Variants in COL4A2 observed in about 807,000 individuals in gnomAD.
COL4A2 encodes the protein collagen alpha-2(IV) chain.
Under a neutral mutation model 200.2 loss-of-function variants are expected in COL4A2, and 99 were observed. The ratio of observed to expected loss-of-function variants is 0.49; its 90% CI spans 0.42 to 0.58. The LOEUF is 0.58. Among genes scored for constraint, COL4A2 ranks in the 20% least tolerant of loss-of-function variants. The probability of loss-of-function intolerance (pLI) is 0.00; values close to 1 mark genes in which losing one functional copy is unlikely to be tolerated. For synonymous variants in COL4A2, 897 were observed against 900.6 expected (o/e 1.00, Z 0.07); for missense variants, 1,950 against 2,314.1 (o/e 0.84, Z 3.23).
rs191598969 is a variant in COL4A2, at chr13:110,410,721, A to C, written c.181-14013A>C. Among the ~76,000 whole-genome samples, 443 of 152,228 alleles carry C rather than the reference A, an allele frequency of 2.9e-3. 13 individuals carry two copies. The highest frequency in any genetic ancestry group is 0.028 in the Admixed American group (435 of 15,290). On this transcript the variant is annotated intron_variant, in intron 4 of 47. Transcript: ENST00000360467. ...ATCAAAACAGTGACATCTTTCTTCC[A>C]TCTGGTGGAAAGATCATCAGAACCC...
At chr13:110,461,425 G>T (rs997964790) in intron 22 of COL4A2, among the ~76,000 whole-genome samples, 101 of 152,380 alleles carry the variant, frequency 6.6e-4, no homozygotes, top group Non-Finnish European at 2.4e-4. Context: ...CTGCACCATT[G>T]GGCAGAGCCC....
chr13:110,393,998 C>G (rs779819059), intron 4 of COL4A2, among the ~76,000 whole-genome samples: 116 of 152,138 alleles, frequency 7.6e-4, no homozygotes, highest in Non-Finnish European at 1.5e-3. Flanking sequence ...GGCCATACCC[C>G]CTGCCACTAT....
intron 4 of COL4A2, among the ~76,000 whole-genome samples, chr13:110,404,862 T>A (rs1486298385): frequency 6.6e-6 from 1 of 152,174 alleles, no homozygotes; most frequent in Non-Finnish European, 1.5e-5. Context: ...CTGGGCACGG[T>A]GGCTCATGCC....
chr13:110,383,605 T>C (rs966653249), intron 4 of COL4A2, among the ~76,000 whole-genome samples: 1 of 132,010 alleles, frequency 7.6e-6, no homozygotes, highest in African/African-American at 2.9e-5. Flanking sequence ...TCAGCCCTTT[T>C]CTTTTTTTTT....
chr13:110,510,984 T>A (rs1222320386), intron 47 of COL4A2, among the ~76,000 whole-genome samples: 1 of 152,210 alleles, frequency 6.6e-6, no homozygotes, highest in East Asian at 1.9e-4. Context: ...TGGGTTTTTT[T>A]TTGTATTTAA....
intron 4 of COL4A2, among the ~76,000 whole-genome samples, chr13:110,393,763 C>T (rs574868160): frequency 2.0e-5 from 3 of 152,124 alleles, no homozygotes; most frequent in Non-Finnish European, 2.9e-5. Flanking sequence ...CCTATAATCC[C>T]GGCTACTCAG....
intron 4 of COL4A2, among the ~76,000 whole-genome samples, chr13:110,422,156 G>A (rs546729006): frequency 7.9e-4 from 121 of 152,274 alleles, no homozygotes; most frequent in Non-Finnish European, 3.1e-4. Context: ...CTAACAAACC[G>A]CAGGCCTCAA....
chr13:110,415,307 G>T lies in COL4A2; in HGVS notation c.181-9427G>T, dbSNP rs777918628. Among the ~76,000 whole-genome samples the T allele has an allele frequency of 5.6e-4, 85 of 152,276 alleles. 1 individual carries two copies. The highest frequency in any genetic ancestry group is 9.1e-4 in the Non-Finnish European group (62 of 68,022). On this transcript the variant is annotated intron_variant, in intron 4 of 47. Transcript: ENST00000360467. ...ATTAAAAGATAAAATTTTTTTAAAG[G>T]AGTAAGAAAATGAAGTCAAAATAAA... is the stretch of plus-strand genomic sequence containing the variant.
chr13:110,481,010 T>C (rs34004612), intron 31 of COL4A2, among the ~76,000 whole-genome samples: 9 of 116,398 alleles, frequency 7.7e-5, no homozygotes, highest in African/African-American at 2.3e-4. Context: ...AGACACACTG[T>C]TCTGTCCTTC....
chr13:110,511,951 C>T lies in COL4A2; in HGVS notation c.4899C>T (p.Asp1633=), dbSNP rs755485791. ...CTGTGCAGCACACGGCGGCGGGAGA[C>T]GAAGGCGGTGGCCAATCACTGGTGT... is the stretch of plus-strand genomic sequence containing the variant. ...YSFLMHTAAG[D]EGGGQSLVSP... is the part of the protein sequence containing the mutation. The change falls in exon 48 of 48, where the codon GAC becomes GAT. Residue 1633 remains aspartate, a synonymous_variant. Transcript: ENST00000360467. 1.1e-5 allele frequency: 17 copies of T among 1,613,386 alleles called. No individual in the cohort carries two copies. Among genetic ancestry groups the T allele is most frequent in the African/African-American group, 8.0e-5 (6 of 74,942 alleles).
Position 110,385,954 on chromosome 13 carries a change from TCACAGCG to T in COL4A2, c.180+28403_180+28409del, listed in dbSNP as rs1566505647. On this transcript the variant is annotated intron_variant, in intron 4 of 47. Coordinates refer to ENST00000360467, the MANE Select transcript of COL4A2 (RefSeq NM_001846.4). The stretch of plus-strand genomic sequence containing the variant: ...GTTACAGCGTGTGGATGGGCCGTGG[TCACAGCG>T]TGTGGATGGGCCGTGGTCACAGCGT... Among the ~76,000 whole-genome samples, 13 of 100,432 alleles carry T rather than the reference TCACAGCG, an allele frequency of 1.3e-4. 4 individuals are homozygous for T. The highest frequency in any genetic ancestry group is 6.6e-4 in the South Asian group (2 of 3,036). 65.9% of individuals were successfully genotyped at this position (100,432 alleles called of 152,430 possible).
At position 110,307,983 on chromosome 13, in the gene COL4A2, C is replaced by T. The variant is rs747737350; in HGVS notation, c.44+36C>T. The T allele has an allele frequency of 5.0e-6, 8 of 1,611,208 alleles. No individual in the cohort carries two copies. Among genetic ancestry groups the T allele is most frequent in the African/African-American group, 4.0e-5 (3 of 74,920 alleles). On this transcript the variant is annotated intron_variant, in intron 2 of 47. Coordinates refer to ENST00000360467, the MANE Select transcript of COL4A2 (RefSeq NM_001846.4). The surrounding 1 kb of genome is among the most constrained non-coding windows in gnomAD (Gnocchi z 5.0). The stretch of plus-strand genomic sequence containing the variant: ...TTCTGCCTGGTCCCCGTGGGTCACG[C>T]GCGCATGGACCCTTCGGTGTAACTC...
intron 18 of COL4A2, among the ~76,000 whole-genome samples, chr13:110,447,595 A>G (rs1413950256): frequency 6.6e-6 from 1 of 152,102 alleles, no homozygotes; most frequent in African/African-American, 2.4e-5. Context: ...CCTCCTCCTG[A>G]TAATCGTGCG....
intron 22 of COL4A2, among the ~76,000 whole-genome samples, chr13:110,461,205 TA>T: frequency 6.6e-6 from 1 of 152,248 alleles, no homozygotes; most frequent in Admixed American, 6.5e-5. Flanking sequence ...AAATTTCTAT[TA>T]AATACCATTT....
At chr13:110,387,438 T>C (rs966328532) in intron 4 of COL4A2, among the ~76,000 whole-genome samples, 4 of 152,216 alleles carry the variant, frequency 2.6e-5, no homozygotes, top group Non-Finnish European at 4.4e-5. Flanking sequence ...CGCTTCCATG[T>C]GGGTGTTTCC....
In COL4A2 at chr13:110,512,004, G is replaced by A. The variant is rs769994500; in HGVS notation, c.4952G>A (p.Arg1651His). The part of the protein sequence containing the change: ...VSPGSCLEDF[R>H]ATPFIECNGG... ...CCGGGCAGCTGTCTAGAGGACTTCC[G>A]CGCCACACCATTCATCGAATGCAAT... is the stretch of plus-strand genomic sequence containing the variant. The change falls in exon 48 of 48, where the codon CGC becomes CAC. Residue 1651 changes from arginine to histidine, a missense_variant. Arg to His is a conservative substitution (Grantham distance 29). Around this residue, in one of 2 missense-constraint regions of COL4A2, gnomAD observed 1,385 missense variants for 1,720.5 expected, o/e 0.80. Coordinates refer to ENST00000360467, the MANE Select transcript of COL4A2 (RefSeq NM_001846.4). 21 of 1,613,426 alleles carry A rather than the reference G, an allele frequency of 1.3e-5. No homozygotes were observed. Among genetic ancestry groups the A allele is most frequent in the South Asian group, 3.3e-5 (3 of 91,094 alleles).
chr13:110,485,562 G>A (rs995384626), intron 33 of COL4A2, 93 bp from the exon 34 acceptor site: 28 of 808,304 alleles, frequency 3.5e-5, no homozygotes, highest in Non-Finnish European at 5.4e-5. Flanking sequence ...ACAGCACGTA[G>A]GACAGCAAAA....
intron 11 of COL4A2, among the ~76,000 whole-genome samples, chr13:110,433,817 C>T (rs1489898511): frequency 2.0e-5 from 3 of 152,138 alleles, no homozygotes; most frequent in East Asian, 1.9e-4. Context: ...CTACTACGTT[C>T]GTGAAATTAT....
chr13:110,459,068 C>T, intron 22 of COL4A2, 134 bp downstream of exon 22: 1 of 905,020 alleles, frequency 1.1e-6, no homozygotes, highest in South Asian at 2.2e-5. Flanking sequence ...ATGGCTAAAC[C>T]ATTCTAAAAA....
Sources: allele counts gnomAD v4.1 joint callset (sites outside exome capture counted in the v4.1 genomes callset), GRCh38; gene constraint gnomAD v4.1.1; regional missense constraint gnomAD v4.1.1; non-coding constraint Gnocchi (gnomAD v3.1); transcripts MANE v1.5; gene names NCBI Gene and HGNC (gene_info 2026-07-23, HGNC 2026-07-21).